Variants in CRTAC1 observed in about 807,000 individuals in gnomAD.
The protein encoded by CRTAC1 is acidic secreted protein in cartilage.
CRTAC1 carries 37 observed loss-of-function variants against 67.8 expected under a neutral mutation model. The ratio of observed to expected loss-of-function variants is 0.55; its 90% CI spans 0.42 to 0.72. The LOEUF (loss-of-function observed/expected upper bound fraction) is 0.72, where lower values mean the gene tolerates loss of function less well. CRTAC1 is among the 30% of genes least tolerant of loss of function. The pLI is 0.00. For missense variants in CRTAC1, 780 were observed against 931.6 expected (o/e 0.84, Z 2.12); for synonymous variants, 348 against 371.0 (o/e 0.94, Z 0.71).
chr10:97,888,102 C>T (rs2050313366), intron 11 of CRTAC1, among the ~76,000 whole-genome samples: 1 of 152,324 alleles, frequency 6.6e-6, no homozygotes, highest in East Asian at 1.9e-4. Flanking sequence ...GCCCCTGTTA[C>T]ACTGCCCACC....
Position 97,895,479 on chromosome 10 carries a change from C to A in CRTAC1, c.1318-66G>T. 1 of 1,424,148 alleles carries A rather than the reference C, an allele frequency of 7.0e-7. No individual in the cohort carries two copies. Among genetic ancestry groups the A allele is most frequent in the Non-Finnish European group, 9.5e-7 (1 of 1,056,462 alleles). The allele number at this position is 1,424,148 out of a possible 1,614,324, so 88.2% of individuals were successfully genotyped here. On this transcript the variant is annotated intron_variant, in intron 10 of 14. Coordinates refer to ENST00000370597, the MANE Select transcript of CRTAC1 (RefSeq NM_018058.7). The surrounding 1 kb of genome is among the most constrained non-coding windows in gnomAD (Gnocchi z 4.2). ...CATGGTGGGTGGGAAGAGCAGGGAG[C>A]CAGGGAGGACGGGAGGGGGAGAGGG...
intron 2 of CRTAC1, among the ~76,000 whole-genome samples, chr10:97,941,103 C>T (rs543188734): frequency 1.2e-4 from 18 of 151,998 alleles, no homozygotes; most frequent in African/African-American, 3.4e-4. Context: ...CTACCATCAT[C>T]GGTGGCTTTT....
intron 2 of CRTAC1, among the ~76,000 whole-genome samples, chr10:97,950,997 G>A (rs1279764626): frequency 6.6e-6 from 1 of 152,142 alleles, no homozygotes; most frequent in Admixed American, 6.5e-5. Context: ...TAATTCTGCC[G>A]GGTTGACTGC....
intron 2 of CRTAC1, among the ~76,000 whole-genome samples, chr10:97,938,967 C>T (rs1463302156): frequency 6.6e-6 from 1 of 152,192 alleles, no homozygotes; most frequent in African/African-American, 2.4e-5. Flanking sequence ...ATTCCAGAGC[C>T]AGAGTTTAAA....
chr10:97,970,361 C>T (rs1171051431), intron 2 of CRTAC1, among the ~76,000 whole-genome samples: 1 of 152,188 alleles, frequency 6.6e-6, no homozygotes, highest in African/African-American at 2.4e-5. Context: ...GTGCAAGTCG[C>T]ATCATGTCAC....
chr10:97,925,256 A>G (rs1267948382), intron 3 of CRTAC1, among the ~76,000 whole-genome samples: 1 of 152,168 alleles, frequency 6.6e-6, no homozygotes, highest in East Asian at 1.9e-4. Flanking sequence ...GGGTGACAGA[A>G]CAATACCCTG....
chr10:97,878,603 G>T, intron 14 of CRTAC1: 2 of 1,302,734 alleles, frequency 1.5e-6, no homozygotes, highest in Non-Finnish European at 2.0e-6. Context: ...ATATTCTGTG[G>T]CGTTACATCA....
rs143890000 is a variant in CRTAC1, at chr10:98,012,109, C to T, written c.25-772G>A. On this transcript the variant is annotated intron_variant, in intron 1 of 14. Coordinates refer to ENST00000370597, the MANE Select transcript of CRTAC1 (RefSeq NM_018058.7). ...GGGGAGGCGTTCCAGCAGGATCTGG[C>T]GGATAGCACATCATTCACTTGGAGA... Among the ~76,000 whole-genome samples the T allele has an allele frequency of 1.9e-3, 286 of 152,278 alleles. 1 individual carries two copies. Among genetic ancestry groups the T allele is most frequent in the African/African-American group, 4.6e-3 (191 of 41,542 alleles).
chr10:97,880,056 G>A (rs985451051), intron 14 of CRTAC1, among the ~76,000 whole-genome samples, 193 bp downstream of exon 14: 2 of 152,154 alleles, frequency 1.3e-5, no homozygotes, highest in African/African-American at 2.4e-5. Context: ...GGCCCTTCAG[G>A]TGATGGTAGA....
intron 7 of CRTAC1, among the ~76,000 whole-genome samples, chr10:97,903,659 G>A (rs2136568579): frequency 6.6e-6 from 1 of 152,190 alleles, no homozygotes; most frequent in South Asian, 2.1e-4. Flanking sequence ...TTCCTCAGGG[G>A]TTTTTGGCAG....
At chr10:97,966,221 A>C (rs1389792010) in intron 2 of CRTAC1, among the ~76,000 whole-genome samples, 1 of 152,226 alleles carries the variant, frequency 6.6e-6, no homozygotes, top group Non-Finnish European at 1.5e-5. Flanking sequence ...CACTACAGGC[A>C]TGTGCCACTA....
At chr10:97,905,628 T>C (rs543099196) in intron 6 of CRTAC1, among the ~76,000 whole-genome samples, 2 of 152,368 alleles carry the variant, frequency 1.3e-5, no homozygotes, top group South Asian at 4.1e-4. Context: ...TCTTCTTGGT[T>C]CACCTGGGTA....
chr10:97,967,672 T>C (rs2136649305), intron 2 of CRTAC1, among the ~76,000 whole-genome samples: 1 of 152,306 alleles, frequency 6.6e-6, no homozygotes, highest in Admixed American at 6.5e-5. Flanking sequence ...CATCCTATCT[T>C]AGGGGAGACT....
intron 8 of CRTAC1, among the ~76,000 whole-genome samples, chr10:97,897,851 A>G (rs972731338): frequency 2.0e-5 from 3 of 152,330 alleles, no homozygotes; most frequent in African/African-American, 7.2e-5. Context: ...GGTGTAAGGA[A>G]GAATTGGCAT....
At chr10:97,873,612 T>C (rs901104698) in intron 14 of CRTAC1, among the ~76,000 whole-genome samples, 1 of 152,124 alleles carries the variant, frequency 6.6e-6, no homozygotes, top group Non-Finnish European at 1.5e-5. Context: ...GGAGGGAAGT[T>C]AGCCCTTAGA....
intron 2 of CRTAC1, among the ~76,000 whole-genome samples, chr10:97,956,871 A>G (rs1039766736): frequency 2.6e-5 from 4 of 151,450 alleles, no homozygotes; most frequent in Admixed American, 2.6e-4. Context: ...CAGTGGTGTG[A>G]TCTCAGCACA....
intron 1 of CRTAC1, among the ~76,000 whole-genome samples, chr10:98,019,512 C>T (rs1322983343): frequency 6.6e-6 from 1 of 152,210 alleles, no homozygotes; most frequent in Non-Finnish European, 1.5e-5. Flanking sequence ...GGACAGCCCC[C>T]ACAATTATTC....
At chr10:97,905,738 C>T (rs1369066049) in intron 6 of CRTAC1, among the ~76,000 whole-genome samples, 18 of 152,136 alleles carry the variant, frequency 1.2e-4, no homozygotes, top group Admixed American at 1.0e-3. Context: ...GAAGGCAAAC[C>T]GGGGACGTGG....
At chr10:98,001,558 A>C (rs1431565977) in intron 2 of CRTAC1, among the ~76,000 whole-genome samples, 1 of 152,146 alleles carries the variant, frequency 6.6e-6, no homozygotes, top group Non-Finnish European at 1.5e-5. Context: ...GTAAAAAAAA[A>C]AAATGTGACT....
Sources: gnomAD v4.1 joint callset for allele counts (sites outside exome capture counted in the v4.1 genomes callset) on GRCh38, gnomAD v4.1.1 for gene constraint, Gnocchi (gnomAD v3.1) non-coding constraint, MANE v1.5 for transcripts, NCBI Gene and HGNC (gene_info 2026-07-23, HGNC 2026-07-21) for gene names.